CDK5RAP2: variants seen among roughly 807,000 people sequenced by gnomAD.
CDK5RAP2 encodes the protein CDK5 regulatory subunit-associated protein 2.
In CDK5RAP2, 147 loss-of-function variants were observed where a neutral mutation model predicts 232.9. The observed-to-expected ratio is 0.63, with a 90% CI of 0.55 to 0.72. The LOEUF (loss-of-function observed/expected upper bound fraction) is 0.72, where lower values mean the gene tolerates loss of function less well. CDK5RAP2 is among the 30% of genes least tolerant of loss of function. The pLI, the probability that CDK5RAP2 is intolerant of heterozygous loss-of-function variation, is 0.00. For missense variants in CDK5RAP2, 2,195 were observed against 2,231.5 expected, an observed-to-expected ratio of 0.98 and a Z score of 0.33; for synonymous variants, 833 against 833.7, an observed-to-expected ratio of 1.00 and a Z score of 0.01.
intron 18 of CDK5RAP2, among the ~76,000 whole-genome samples, chr9:120,463,179 G>T (rs1020174490): frequency 2.6e-5 from 4 of 152,126 alleles, no homozygotes; most frequent in Non-Finnish European, 4.4e-5. Flanking sequence ...AGACCATCCT[G>T]GCTAACATGG....
At chr9:120,411,333 T>C (rs748870458) in intron 29 of CDK5RAP2, 25 bp downstream of exon 29, 15 of 1,390,690 alleles carry the variant, frequency 1.1e-5, no homozygotes, top group Non-Finnish European at 1.4e-5. Flanking sequence ...CGTTCCAGAC[T>C]TCCAGTGACT....
At chr9:120,474,089 T>C (rs1255574772) in intron 15 of CDK5RAP2, among the ~76,000 whole-genome samples, 1 of 152,224 alleles carries the variant, frequency 6.6e-6, no homozygotes, top group Non-Finnish European at 1.5e-5. Flanking sequence ...TTCAACTAAC[T>C]GAGTCCTGAT....
chr9:120,518,732 G>T (rs902438404), intron 11 of CDK5RAP2, 87 bp from the exon 12 acceptor site: 1 of 1,015,606 alleles, frequency 9.8e-7, no homozygotes, highest in East Asian at 2.4e-5. Flanking sequence ...TTCGCCGTGG[G>T]GGAAAAAAAG....
At chr9:120,527,039 C>T (rs1451381242) in intron 10 of CDK5RAP2, among the ~76,000 whole-genome samples, 1 of 152,132 alleles carries the variant, frequency 6.6e-6, no homozygotes, top group Non-Finnish European at 1.5e-5. Flanking sequence ...CCCTACACTT[C>T]CCTCAATCAC....
intron 1 of CDK5RAP2, among the ~76,000 whole-genome samples, chr9:120,572,458 C>T (rs1292264481): frequency 6.6e-6 from 1 of 152,212 alleles, no homozygotes; most frequent in African/African-American, 2.4e-5. Flanking sequence ...TAAACGGCAA[C>T]TATTGTTGTT....
In CDK5RAP2 at chr9:120,400,848, C is replaced by T. The variant is rs1262643836; in HGVS notation, c.5345G>A (p.Ser1782Asn). 6.2e-7 allele frequency: 1 copy of T among 1,614,228 alleles called. No homozygotes were observed. The highest frequency in any genetic ancestry group is 1.1e-5 in the South Asian group (1 of 91,082). Reference sequence around the variant, plus strand: ...CAGGGTCAGCTTGGCCGTGCTCACACTGCTCACAAACTTGCTCAGTGGTGC... The same window carrying T: ...CAGGGTCAGCTTGGCCGTGCTCACATTGCTCACAAACTTGCTCAGTGGTGC... ...HPAPLSKFVS[S>N]VSTAKLTLEE... Residue 1782 changes from serine (S) to asparagine (N), a missense_variant, in exon 35 of 38, where the codon AGT (serine) becomes AAT (asparagine). Physicochemically the swap from Ser to Asn is conservative, Grantham distance 46. Coordinates refer to ENST00000349780, the MANE Select transcript of CDK5RAP2 (RefSeq NM_018249.6).
chr9:120,549,365 A>G (rs1031004058), intron 4 of CDK5RAP2, among the ~76,000 whole-genome samples: 3 of 152,224 alleles, frequency 2.0e-5, no homozygotes, highest in African/African-American at 7.2e-5. Flanking sequence ...AGGGTGGAAG[A>G]GTGTTTTCAG....
At chr9:120,423,759 C>A (rs1414919745) in intron 25 of CDK5RAP2, among the ~76,000 whole-genome samples, 2 of 152,198 alleles carry the variant, frequency 1.3e-5, no homozygotes, top group African/African-American at 4.8e-5. Flanking sequence ...TAAACTGCAC[C>A]CACACATGCA....
At chr9:120,553,671 G>T (rs2042125425) in intron 3 of CDK5RAP2, among the ~76,000 whole-genome samples, 1 of 152,196 alleles carries the variant, frequency 6.6e-6, no homozygotes, top group Admixed American at 6.5e-5. Context: ...GATGGTTATA[G>T]GGTATGCTCC....
chr9:120,468,125 T>C (rs2037488986), intron 17 of CDK5RAP2, 128 bp from the exon 18 acceptor site: 2 of 870,528 alleles, frequency 2.3e-6, no homozygotes, highest in African/African-American at 1.7e-5. Flanking sequence ...AGGCTGATTC[T>C]AGCCCTCAGG....
chr9:120,416,107 T>A (rs1214987397), intron 27 of CDK5RAP2, among the ~76,000 whole-genome samples: 1 of 152,060 alleles, frequency 6.6e-6, no homozygotes, highest in Admixed American at 6.6e-5. Flanking sequence ...TGTGAGGGTT[T>A]TTTCCCCCAC....
At chr9:120,570,173 G>A (rs2042800768) in intron 2 of CDK5RAP2, among the ~76,000 whole-genome samples, 2 of 152,172 alleles carry the variant, frequency 1.3e-5, no homozygotes, top group Non-Finnish European at 1.5e-5. Context: ...CAGAAAAGAG[G>A]CTAAGGAGTG....
intron 11 of CDK5RAP2, among the ~76,000 whole-genome samples, chr9:120,519,504 A>T (rs1044370638): frequency 1.3e-5 from 2 of 152,220 alleles, no homozygotes; most frequent in Non-Finnish European, 2.9e-5. Context: ...ACTCAGGCAT[A>T]AATGCCTCAG....
At chr9:120,518,793 T>A (rs772878303) in intron 11 of CDK5RAP2, 148 bp from the exon 12 acceptor site, 1 of 663,130 alleles carries the variant, frequency 1.5e-6, no homozygotes. Context: ...GCAAAAATAA[T>A]AGGAAGATTT....
intron 4 of CDK5RAP2, 123 bp downstream of exon 4, chr9:120,550,669 A>G (rs961154027): frequency 9.4e-5 from 70 of 741,282 alleles, no homozygotes; most frequent in Middle Eastern, 2.3e-4. Flanking sequence ...CCCATAATCA[A>G]TTCAGATTAA....
intron 34 of CDK5RAP2, among the ~76,000 whole-genome samples, chr9:120,401,977 C>T (rs1286751427): frequency 6.6e-6 from 1 of 151,474 alleles, no homozygotes; most frequent in East Asian, 1.9e-4. Context: ...GAATGAGACT[C>T]CATCTCAAAA....
At chr9:120,428,711 T>G (rs1463093502) in intron 25 of CDK5RAP2, among the ~76,000 whole-genome samples, 7 of 151,694 alleles carry the variant, frequency 4.6e-5, no homozygotes, top group African/African-American at 9.7e-5. Context: ...CTTCTGAAAC[T>G]ATTCCAATCA....
At chr9:120,401,567 A>G (rs2033008563) in intron 34 of CDK5RAP2, among the ~76,000 whole-genome samples, 2 of 138,048 alleles carry the variant, frequency 1.4e-5, no homozygotes, top group African/African-American at 2.7e-5. Flanking sequence ...TGCCATAATC[A>G]TGCCATGTAC....
At chr9:120,475,616 T>C (rs1287482291) in intron 15 of CDK5RAP2, among the ~76,000 whole-genome samples, 1 of 150,886 alleles carries the variant, frequency 6.6e-6, no homozygotes, top group Non-Finnish European at 1.5e-5. Flanking sequence ...CCAACACCAC[T>C]TGCCAAGTGA....
Sources: gnomAD v4.1 joint callset for allele counts (sites outside exome capture counted in the v4.1 genomes callset) on GRCh38, gnomAD v4.1.1 for gene constraint, MANE v1.5 for transcripts, NCBI Gene and HGNC (gene_info 2026-07-23, HGNC 2026-07-21) for gene names.